VSNL1: variants seen among roughly 807,000 people sequenced by gnomAD.
VSNL1 encodes the protein visinin like 1.
VSNL1 carries 6 observed loss-of-function variants against 20.4 expected under a neutral mutation model. The ratio of observed to expected loss-of-function variants is 0.29; its 90% CI spans 0.16 to 0.58. The LOEUF (loss-of-function observed/expected upper bound fraction) is 0.58. VSNL1 is among the 20% of genes least tolerant of loss of function. VSNL1 has a pLI of 0.90. For synonymous variants in VSNL1, 93 were observed against 86.4 expected (o/e 1.08, Z -0.42); for missense variants, 100 against 234.5 (o/e 0.43, Z 3.75).
At chr2:17,601,949 A>C (rs961154983) in intron 2 of VSNL1, among the ~76,000 whole-genome samples, 21 of 152,090 alleles carry the variant, frequency 1.4e-4, no homozygotes, top group African/African-American at 3.9e-4. Flanking sequence ...AAAGTAAAAG[A>C]AAAAAAAGAG....
intron 1 of VSNL1, among the ~76,000 whole-genome samples, chr2:17,580,292 G>A (rs575592792): frequency 1.8e-4 from 27 of 152,298 alleles, no homozygotes; most frequent in African/African-American, 6.3e-4. Flanking sequence ...AAAGATCCGA[G>A]AAGCCTTGGG....
chr2:17,644,615 C>T (rs1167935832), intron 2 of VSNL1, among the ~76,000 whole-genome samples: 2 of 152,340 alleles, frequency 1.3e-5, no homozygotes, highest in South Asian at 4.1e-4. Flanking sequence ...GATCCTCCTG[C>T]ACCCCTTAGT....
At chr2:17,543,230 T>A (rs1663330881) in intron 1 of VSNL1, among the ~76,000 whole-genome samples, 1 of 152,220 alleles carries the variant, frequency 6.6e-6, no homozygotes, top group South Asian at 2.1e-4. Flanking sequence ...CTCCTCTGCA[T>A]CTCAGACAAT....
intron 1 of VSNL1, among the ~76,000 whole-genome samples, chr2:17,557,725 T>G (rs1048891939): frequency 3.9e-5 from 6 of 152,178 alleles, no homozygotes; most frequent in African/African-American, 1.4e-4. Flanking sequence ...TCCCATTTTA[T>G]TCCTCACTCA....
At chr2:17,591,437 A>G (rs1445665751) in intron 1 of VSNL1, among the ~76,000 whole-genome samples, 1 of 152,226 alleles carries the variant, frequency 6.6e-6, no homozygotes, top group Non-Finnish European at 1.5e-5. Context: ...TCCCTAGAAG[A>G]AAACCATTAA....
At chr2:17,606,254 C>T (rs1345137542) in intron 2 of VSNL1, among the ~76,000 whole-genome samples, 2 of 152,124 alleles carry the variant, frequency 1.3e-5, no homozygotes, top group African/African-American at 2.4e-5. Context: ...TTGACATAAA[C>T]GTCTGATATG....
At chr2:17,560,801 T>C (rs1663795453) in intron 1 of VSNL1, among the ~76,000 whole-genome samples, 1 of 152,222 alleles carries the variant, frequency 6.6e-6, no homozygotes, top group African/African-American at 2.4e-5. Context: ...AAATTTGCCA[T>C]ATATTTTAGT....
At chr2:17,592,640 C>CTTTTT (rs55756596) in intron 2 of VSNL1, among the ~76,000 whole-genome samples, 7 of 70,858 alleles carry the variant, frequency 9.9e-5, no homozygotes, top group African/African-American at 3.4e-4. Context: ...CTCTCTCTCT[C>CTTTTT]TTTTTTTTTT....
At chr2:17,595,861 A>AT (rs1664699134) in intron 2 of VSNL1, among the ~76,000 whole-genome samples, 1 of 152,178 alleles carries the variant, frequency 6.6e-6, no homozygotes, top group South Asian at 2.1e-4. Flanking sequence ...ATTCTTTAAA[A>AT]TTTGTATTTA....
intron 1 of VSNL1, among the ~76,000 whole-genome samples, chr2:17,576,477 G>T (rs1664217734): frequency 6.6e-6 from 1 of 152,060 alleles, no homozygotes; most frequent in Non-Finnish European, 1.5e-5. Context: ...TTTTCTGGTG[G>T]GTTATATTAA....
Position 17,649,435 on chromosome 2 carries a change from A to G in VSNL1, c.188A>G (p.Lys63Arg). The change falls in exon 3 of 4, where the codon AAG becomes AGG. Residue 63 changes from lysine (K) to arginine (R), a missense_variant. Lys to Arg is a conservative substitution (Grantham distance 26). Coordinates refer to ENST00000295156, the MANE Select transcript of VSNL1 (RefSeq NM_003385.5). This position sits in a 1 kb window ranked among gnomAD's most constrained non-coding sequence, Gnocchi z 6.4. ...VKFFPYGDAS[K>R]FAQHAFRTFD... ...TTCTTTCCTTATGGAGACGCCTCCA[A>G]GTTTGCCCAGCATGCCTTCCGAACC... is the stretch of plus-strand genomic sequence containing the variant. 1 of 1,614,156 alleles carries G rather than the reference A, an allele frequency of 6.2e-7. No homozygotes were observed. The highest frequency in any genetic ancestry group is 8.5e-7 in the Non-Finnish European group (1 of 1,180,034).
At position 17,656,321 on chromosome 2, in the gene VSNL1, C is replaced by A. The variant is rs1340346936; in HGVS notation, c.*927C>A. On this transcript the variant is annotated 3_prime_UTR_variant, in exon 4 of 4. Coordinates refer to ENST00000295156, the MANE Select transcript of VSNL1 (RefSeq NM_003385.5). ...AAAAGGGAAAAAAGCAACTTTCCAA[C>A]TTTTCATCCAGGCTCCCAAAAGAGG... 2.0e-5 allele frequency: 3 copies of A among 152,122 alleles called. No homozygotes were observed. Among genetic ancestry groups the A allele is most frequent in the Non-Finnish European group, 2.9e-5 (2 of 68,020 alleles). The allele number at this position is 152,122 out of a possible 1,614,324, so 9.4% of individuals were successfully genotyped here. A position where few individuals can be genotyped will look rare whatever the true frequency, so the allele number is the denominator to read the frequency against.
At chr2:17,590,432 T>G (rs1177641873) in intron 1 of VSNL1, among the ~76,000 whole-genome samples, 1 of 152,160 alleles carries the variant, frequency 6.6e-6, no homozygotes, top group Non-Finnish European at 1.5e-5. Context: ...AGACAGTTGC[T>G]TATAAGAGAT....
intron 1 of VSNL1, among the ~76,000 whole-genome samples, chr2:17,574,514 C>A (rs1246156870): frequency 1.3e-5 from 2 of 152,286 alleles, no homozygotes; most frequent in Middle Eastern, 3.4e-3. Flanking sequence ...GCTGAAAATT[C>A]TTTGAGCGTA....
chr2:17,561,002 C>T (rs1384392889), intron 1 of VSNL1, among the ~76,000 whole-genome samples: 1 of 152,134 alleles, frequency 6.6e-6, no homozygotes, highest in Admixed American at 6.5e-5. Context: ...TTCTTTGGTC[C>T]TCAAAACTTT....
At chr2:17,647,789 C>T (rs986140844) in intron 2 of VSNL1, among the ~76,000 whole-genome samples, 8 of 152,090 alleles carry the variant, frequency 5.3e-5, no homozygotes, top group Non-Finnish European at 1.2e-4. Context: ...GTAAAGTCCC[C>T]CCATTAACTG....
rs1212674307 is a variant in VSNL1 at position 17,616,496 on chromosome 2, A to G, written c.162+24260A>G. Among the ~76,000 whole-genome samples, 5 of 152,346 alleles carry G rather than the reference A, an allele frequency of 3.3e-5. No homozygotes were observed. The East Asian group carries it at 9.6e-4, about 29-fold the overall frequency. On this transcript the variant is annotated intron_variant, in intron 2 of 3. Transcript: ENST00000295156. ...ACGAGTCCTACAAAGAAGAGGTAGA[A>G]TAGAGTGTACTTCTCCAAACACTGA...
At chr2:17,636,571 G>A (rs11901674) in intron 2 of VSNL1, among the ~76,000 whole-genome samples, 39,813 of 152,166 alleles carry the variant, frequency 0.26, 6,089 homozygotes, top group Non-Finnish European at 0.34. Context: ...GATGTGCTGT[G>A]AGTAATGACA....
At chr2:17,630,518 T>C (rs1665606395) in intron 2 of VSNL1, among the ~76,000 whole-genome samples, 1 of 152,262 alleles carries the variant, frequency 6.6e-6, no homozygotes, top group Non-Finnish European at 1.5e-5. Flanking sequence ...AATCAAAATC[T>C]CATCACAGTT....
Sources: gnomAD v4.1 joint callset for allele counts (sites outside exome capture counted in the v4.1 genomes callset) on GRCh38, gnomAD v4.1.1 for gene constraint, Gnocchi (gnomAD v3.1) non-coding constraint, MANE v1.5 for transcripts, NCBI Gene and HGNC (gene_info 2026-07-23, HGNC 2026-07-21) for gene names.